Variants in TLE3 observed in about 807,000 individuals in gnomAD.
TLE3 encodes transducin-like enhancer protein 3.
A neutral mutation model predicts 93.0 loss-of-function variants in TLE3; 14 were observed. The ratio of observed to expected loss-of-function variants is 0.15; its 90% CI spans 0.10 to 0.24. The LOEUF (loss-of-function observed/expected upper bound fraction) is 0.24, where lower values mean the gene tolerates loss of function less well. Among genes scored for constraint, TLE3 ranks in the 10% least tolerant of loss-of-function variants. The pLI is 1.00. For missense variants in TLE3, 693 were observed against 1,046.6 expected (o/e 0.66, Z 4.66); for synonymous variants, 451 against 425.0 (o/e 1.06, Z -0.75).
intron 4 of TLE3, among the ~76,000 whole-genome samples, chr15:70,088,413 A>AT (rs2058134482): frequency 6.6e-6 from 1 of 152,238 alleles, no homozygotes; most frequent in Non-Finnish European, 1.5e-5. Flanking sequence ...TTTTATAAAG[A>AT]ATTTTTTTTA....
At chr15:70,092,197 A>G (rs964140683) in intron 4 of TLE3, among the ~76,000 whole-genome samples, 7 of 152,202 alleles carry the variant, frequency 4.6e-5, no homozygotes, top group Non-Finnish European at 8.8e-5. Context: ...CAAGACCCAC[A>G]CTACAATTAG....
At chr15:70,078,726 C>T (rs1464473544) in intron 4 of TLE3, among the ~76,000 whole-genome samples, 1 of 152,226 alleles carries the variant, frequency 6.6e-6, no homozygotes, top group East Asian at 1.9e-4. Context: ...CAATCGCAAG[C>T]CACCTAGATG....
chr15:70,066,911 T>G, intron 6 of TLE3: 1 of 390,844 alleles, frequency 2.6e-6, no homozygotes, highest in Non-Finnish European at 5.3e-6. Context: ...GCAGGTTACT[T>G]CAAGTCCTGG....
chr15:70,051,126 C>G, intron 19 of TLE3: 1 of 335,100 alleles, frequency 3.0e-6, no homozygotes, highest in Non-Finnish European at 5.6e-6. Context: ...TCTCCAAATC[C>G]GACAAGCGCC....
chr15:70,075,981 G>A, intron 5 of TLE3, 115 bp downstream of exon 5: 4 of 958,346 alleles, frequency 4.2e-6, no homozygotes, highest in Non-Finnish European at 6.5e-6. Context: ...CAGTCAGTAT[G>A]AATGGACAGG....
intron 6 of TLE3, among the ~76,000 whole-genome samples, chr15:70,068,112 A>G (rs1400313747): frequency 6.6e-6 from 1 of 152,218 alleles, no homozygotes; most frequent in African/African-American, 2.4e-5. Context: ...GTAATTTTTA[A>G]TATCTTATTA....
At chr15:70,082,520 G>C (rs2057829592) in intron 4 of TLE3, among the ~76,000 whole-genome samples, 1 of 152,216 alleles carries the variant, frequency 6.6e-6, no homozygotes, top group African/African-American at 2.4e-5. Context: ...TCACATCACA[G>C]ATCACTCAAT....
At chr15:70,051,324 CCCATCA>C (rs1392951827) in intron 19 of TLE3, 61 bp downstream of exon 19, 25 of 1,472,560 alleles carry the variant, frequency 1.7e-5, no homozygotes, top group African/African-American at 4.2e-5. Flanking sequence ...TATCCTCACT[CCCATCA>C]CCATCACCAA....
intron 2 of TLE3, 54 bp downstream of exon 2, chr15:70,096,107 C>T: frequency 7.3e-7 from 1 of 1,369,720 alleles, no homozygotes; most frequent in East Asian, 2.8e-5. Flanking sequence ...GCAGGAGCCG[C>T]GCAGGGGACC....
chr15:70,084,685 C>T (rs1250222653), intron 4 of TLE3, among the ~76,000 whole-genome samples: 1 of 152,216 alleles, frequency 6.6e-6, no homozygotes, highest in Non-Finnish European at 1.5e-5. Context: ...AGTTACTCAA[C>T]CTCTTTAACC....
At chr15:70,054,795 C>A in intron 15 of TLE3, 110 bp from the exon 16 acceptor site, 1 of 1,398,566 alleles carries the variant, frequency 7.2e-7, no homozygotes, top group Non-Finnish European at 9.5e-7. Flanking sequence ...TACAGCCTCC[C>A]CCTATACCCA....
chr15:70,089,337 G>A (rs2058191962), intron 4 of TLE3, among the ~76,000 whole-genome samples: 1 of 152,210 alleles, frequency 6.6e-6, no homozygotes, highest in African/African-American at 2.4e-5. Context: ...CCCCCGCAGA[G>A]GGAATGGTGT....
rs1178909346 is a variant in TLE3, at chr15:70,066,210, C to T, written c.381G>A (p.Gln127=). Residue 127 remains glutamine (Q), a synonymous_variant, in exon 7 of 20, where the codon CAG becomes CAA. Coordinates refer to ENST00000451782, the MANE Select transcript of TLE3 (RefSeq NM_001105192.3). ...CATGGGAGAGGTGCTGCGCCTGGAGCTGCTGCTGCTGCAATGAAGTCGGTG... is the reference window on the plus strand; with the variant it reads ...CATGGGAGAGGTGCTGCGCCTGGAGTTGCTGCTGCTGCAATGAAGTCGGTG... ...TELNAIIGQQ[Q]LQAQHLSHAT... The T allele has an allele frequency of 6.6e-7, 1 of 1,522,892 alleles. No homozygotes were observed. 94.3% of individuals were successfully genotyped at this position (1,522,892 alleles called of 1,614,324 possible).
In TLE3 at chr15:70,058,850, G is replaced by C; in HGVS notation, c.766-35C>G. ...CAAGTGATGCAGAGATGCACTGAAA[G>C]CAACAGCCAGCCTCGAGGCTTCCCT... is the stretch of plus-strand genomic sequence containing the variant. On this transcript the variant is annotated intron_variant, in intron 10 of 19. Transcript: ENST00000451782. The surrounding 1 kb of genome is among the most constrained non-coding windows in gnomAD (Gnocchi z 4.1). The C allele has an allele frequency of 1.3e-6, 2 of 1,518,002 alleles. No homozygotes were observed. Among genetic ancestry groups the C allele is most frequent in the Non-Finnish European group, 1.8e-6 (2 of 1,134,694 alleles). The allele number at this position is 1,518,002 out of a possible 1,614,324, so 94.0% of individuals were successfully genotyped here.
intron 6 of TLE3, among the ~76,000 whole-genome samples, chr15:70,073,456 G>C (rs2057287352): frequency 6.6e-6 from 1 of 152,186 alleles, no homozygotes; most frequent in Admixed American, 6.5e-5. Flanking sequence ...AACAGAAAGA[G>C]GAAAGAAGAC....
intron 4 of TLE3, among the ~76,000 whole-genome samples, chr15:70,090,235 C>T (rs550155516): frequency 1.3e-5 from 2 of 151,828 alleles, no homozygotes; most frequent in South Asian, 4.2e-4. Flanking sequence ...CTCGTGATTA[C>T]AGTCTGTTCC....
intron 5 of TLE3, 110 bp downstream of exon 5, chr15:70,075,986 G>C: frequency 9.8e-7 from 1 of 1,015,620 alleles, no homozygotes; most frequent in Non-Finnish European, 1.5e-6. Context: ...AGTATGAATG[G>C]ACAGGGGCTG....
intron 8 of TLE3, among the ~76,000 whole-genome samples, chr15:70,063,056 A>G (rs1275709402): frequency 6.6e-6 from 1 of 152,170 alleles, no homozygotes; most frequent in African/African-American, 2.4e-5. Context: ...TCCCCCTCCA[A>G]TTCCACTGAA....
rs2055922222 is a variant in TLE3 at position 70,055,289 on chromosome 15, T to C, written c.1338A>G (p.Ser446=). The change falls in exon 15 of 20, where the codon TCA becomes TCG. Residue 446 remains serine, a synonymous_variant. Transcript: ENST00000451782. The stretch of plus-strand genomic sequence containing the variant: ...TCTGCCCATCAGCACTCACATGGAA[T>C]GAGTACGCTCTGAAAAGGTGAGAAA... ...ASIPGGKPAY[S]FHVSADGQMQ... 8 of 1,580,554 alleles carry C rather than the reference T, an allele frequency of 5.1e-6. No homozygotes were observed. Among genetic ancestry groups the C allele is most frequent in the Admixed American group, 1.7e-5 (1 of 58,456 alleles).
Sources: gnomAD v4.1 joint callset for allele counts (sites outside exome capture counted in the v4.1 genomes callset) on GRCh38, gnomAD v4.1.1 for gene constraint, Gnocchi (gnomAD v3.1) non-coding constraint, MANE v1.5 for transcripts, NCBI Gene and HGNC (gene_info 2026-07-23, HGNC 2026-07-21) for gene names.